SAMD9: variants seen among roughly 807,000 people sequenced by gnomAD.
The protein encoded by SAMD9 is sterile alpha motif domain-containing protein 9.
Under a neutral mutation model 1.5 loss-of-function variants are expected in SAMD9, and 3 were observed. The ratio of observed to expected loss-of-function variants is 2.05; its 90% confidence interval spans 0.93 to 5.29. The LOEUF is 5.29. SAMD9 is among the 30% of genes most tolerant of loss of function. The pLI is 0.02. For synonymous variants in SAMD9, 635 were observed against 631.9 expected, an observed-to-expected ratio of 1.00 and a Z score of -0.07; for missense variants, 1,597 against 1,820.8, an observed-to-expected ratio of 0.88 and a Z score of 2.24.
Position 93,104,900 on chromosome 7 carries a change from C to T in SAMD9, c.1198G>A (p.Gly400Arg). ...EGPKLVKLLTGNQDLLDNSYY... is the reference protein window; with the variant it reads ...EGPKLVKLLTRNQDLLDNSYY... ...GAATTATCTAACAAATCTTGATTTC[C>T]TGTCAATAATTTAACCAACTTTGGT... The change falls in exon 3 of 3, where the codon GGA becomes AGA. Residue 400 changes from glycine to arginine, a missense_variant. Gly to Arg is a moderately radical substitution (Grantham distance 125). This residue lies in a region of SAMD9 where 358 missense variants were observed against 460.4 expected (regional missense o/e 0.78). Transcript: ENST00000379958. The T allele has an allele frequency of 6.2e-7, 1 of 1,612,740 alleles. No individual in the cohort carries two copies. The highest frequency in any genetic ancestry group is 8.5e-7 in the Non-Finnish European group (1 of 1,179,456).
rs1311000596 is a variant in SAMD9 at position 93,099,575 on chromosome 7, T to C, written c.*1753A>G. The C allele has an allele frequency of 6.6e-6, 1 of 152,244 alleles. No individual in the cohort carries two copies. Among genetic ancestry groups the C allele is most frequent in the African/African-American group, 2.4e-5 (1 of 41,478 alleles). The allele number at this position is 152,244 out of a possible 1,614,324, so 9.4% of individuals were successfully genotyped here. On this transcript the variant is annotated 3_prime_UTR_variant, in exon 3 of 3. Transcript: ENST00000379958. ...TAACAATAAAGAGTGAGCTTATAAG[T>C]TATGGAGTTAAAATTTTATGCAGAA... is the stretch of plus-strand genomic sequence containing the variant.
rs780430573 is a variant in SAMD9 at position 93,104,435 on chromosome 7, G to A, written c.1663C>T (p.Pro555Ser). 1 of 1,613,924 alleles carries A rather than the reference G, an allele frequency of 6.2e-7. No individual in the cohort carries two copies. The highest frequency in any genetic ancestry group is 1.1e-5 in the South Asian group (1 of 91,074). ...AAAGCACAGAAAGTCTCAATGAGGG[G>A]ATCTCTTGGGTCATCCACAGAGGAC... ...LLSSVDDPRD[P>S]LIETFCAFYQ... Residue 555 changes from proline to serine, a missense_variant, in exon 3 of 3, where the codon CCC becomes TCC. Pro to Ser is a moderately conservative substitution (Grantham distance 74). Coordinates refer to ENST00000379958, the MANE Select transcript of SAMD9 (RefSeq NM_017654.4).
At chr7:93,108,837 G>A (rs190391644) in intron 2 of SAMD9, among the ~76,000 whole-genome samples, 41 of 152,284 alleles carry the variant, frequency 2.7e-4, no homozygotes, top group African/African-American at 9.4e-4. Context: ...AGCAGCTCAA[G>A]GAGGCCTGCC....
Position 93,104,972 on chromosome 7 carries a change from C to A in SAMD9, c.1126G>T (p.Ala376Ser). Reference sequence around the variant, plus strand: ...GTTTTTGCTCTGAATTTTTCTTCTGCTGCTTTTCTGGACTCTGCCAGTGTT... The same window carrying A: ...GTTTTTGCTCTGAATTTTTCTTCTGATGCTTTTCTGGACTCTGCCAGTGTT... The part of the protein sequence containing the change: ...FKTLAESRKA[A>S]EEKFRAKTNK... The change falls in exon 3 of 3, where the codon GCA becomes TCA. Residue 376 changes from alanine to serine, a missense_variant. By Grantham distance (99) the Ala-to-Ser change is moderately conservative (BLOSUM62 1). Coordinates refer to ENST00000379958, the MANE Select transcript of SAMD9 (RefSeq NM_017654.4). The A allele has an allele frequency of 1.2e-6, 2 of 1,611,116 alleles. No individual in the cohort carries two copies. The highest frequency in any genetic ancestry group is 2.7e-5 in the African/African-American group (2 of 74,800).
intron 2 of SAMD9, among the ~76,000 whole-genome samples, chr7:93,108,794 G>A (rs570823908): frequency 1.8e-4 from 28 of 152,334 alleles, no homozygotes; most frequent in African/African-American, 6.5e-4. Flanking sequence ...GGTAAACAAA[G>A]TGGCCAGGAA....
chr7:93,099,977 T>C lies in SAMD9; in HGVS notation c.*1351A>G, dbSNP rs894756217. On this transcript the variant is annotated 3_prime_UTR_variant, in exon 3 of 3. Coordinates refer to ENST00000379958, the MANE Select transcript of SAMD9 (RefSeq NM_017654.4). ...TTAATATCCTCAAATATCTAGTCTG[T>C]GTTCAAATTTTTCTGATTGCCTAAT... 18 of 152,324 alleles carry C rather than the reference T, an allele frequency of 1.2e-4. No homozygotes were observed. The highest frequency in any genetic ancestry group is 4.3e-4 in the African/African-American group (18 of 41,578). The allele number at this position is 152,324 out of a possible 1,614,324, so 9.4% of individuals were successfully genotyped here.
chr7:93,113,500 A>C (rs540426274), intron 2 of SAMD9, among the ~76,000 whole-genome samples: 4 of 152,352 alleles, frequency 2.6e-5, no homozygotes, highest in Non-Finnish European at 5.9e-5. Flanking sequence ...AGAAACTATC[A>C]TCAGAGTGAA....
chr7:93,113,326 C>G (rs1288972436), intron 2 of SAMD9, among the ~76,000 whole-genome samples: 1 of 152,114 alleles, frequency 6.6e-6, no homozygotes, highest in Non-Finnish European at 1.5e-5. Context: ...AAGACTTAAA[C>G]GTTAGAGCTA....
Position 93,105,765 on chromosome 7 carries a change from C to G in SAMD9, c.333G>C (p.Lys111Asn). The G allele has an allele frequency of 6.2e-7, 1 of 1,614,024 alleles. No individual in the cohort carries two copies. Among genetic ancestry groups the G allele is most frequent in the Non-Finnish European group, 8.5e-7 (1 of 1,179,980 alleles). The change falls in exon 3 of 3, where the codon AAG becomes AAC. Residue 111 changes from lysine to asparagine, a missense_variant. By Grantham distance (94) the Lys-to-Asn change is moderately conservative (BLOSUM62 0). Coordinates refer to ENST00000379958, the MANE Select transcript of SAMD9 (RefSeq NM_017654.4). ...VSQKERRETS[K>N]QKQKGKENPD... Reference sequence around the variant, plus strand: ...GGTTCTCTTTACCCTTTTGTTTTTGCTTTGAAGTTTCTCTACGTTCCTTTT... The same window carrying G: ...GGTTCTCTTTACCCTTTTGTTTTTGGTTTGAAGTTTCTCTACGTTCCTTTT...
rs1170291541 is a variant in SAMD9 at position 93,114,911 on chromosome 7, A to T, written c.-109-16T>A. ...AGATCAAAATCTGAAAAATTGCAAAACTCATATTTTTAAGTAATCACAAAG... is the reference window on the plus strand; with the variant it reads ...AGATCAAAATCTGAAAAATTGCAAATCTCATATTTTTAAGTAATCACAAAG... On this transcript the variant is annotated splice_polypyrimidine_tract_variant and intron_variant, in intron 1 of 2. Transcript: ENST00000379958. 6.6e-6 allele frequency: 1 copy of T among 152,182 alleles called. No homozygotes were observed. The highest frequency in any genetic ancestry group is 2.4e-5 in the African/African-American group (1 of 41,424). 9.4% of individuals were successfully genotyped at this position (152,182 alleles called of 1,614,324 possible). A position where few individuals can be genotyped will look rare whatever the true frequency, so the allele number is the denominator to read the frequency against.
rs183442302 is a variant in SAMD9 at position 93,106,897 on chromosome 7, A to G, written c.-8-792T>C. ...CCTCAACTCTGTTTCTCAAAATTGT[A>G]CAATCAGTGGAGAATGCTGAAACAT... is the stretch of plus-strand genomic sequence containing the variant. On this transcript the variant is annotated intron_variant, in intron 2 of 2. Coordinates refer to ENST00000379958, the MANE Select transcript of SAMD9 (RefSeq NM_017654.4). Among the ~76,000 whole-genome samples the G allele has an allele frequency of 5.2e-3, 791 of 152,320 alleles. 7 individuals carry two copies. The highest frequency in any genetic ancestry group is 8.3e-3 in the Non-Finnish European group (562 of 68,030).
In SAMD9 at chr7:93,102,494, C is replaced by A; in HGVS notation, c.3604G>T (p.Glu1202Ter). 6.2e-7 allele frequency: 1 copy of A among 1,613,768 alleles called. No homozygotes were observed. Among genetic ancestry groups the A allele is most frequent in the Non-Finnish European group, 8.5e-7 (1 of 1,179,738 alleles). Residue 1202 changes from glutamate to a stop codon, truncating the protein, a stop_gained, in exon 3 of 3, where the codon GAA (glutamate) becomes TAA (stop). Coordinates refer to ENST00000379958, the MANE Select transcript of SAMD9 (RefSeq NM_017654.4). LOFTEE classifies it low-confidence loss of function (END_TRUNC). Reference protein sequence around the residue: ...YNIAGYQGEIEVGLYTIQILQ... With the variant: ...YNIAGYQGEI ...ATTTGGATTGTGTAAAGCCCAACTTCTATCTCTCCTTGATAACCAGCTATA... is the reference window on the plus strand; with the variant it reads ...ATTTGGATTGTGTAAAGCCCAACTTATATCTCTCCTTGATAACCAGCTATA...
At chr7:93,116,327 T>A (rs1791832382) in intron 1 of SAMD9, among the ~76,000 whole-genome samples, 1 of 152,010 alleles carries the variant, frequency 6.6e-6, no homozygotes, top group African/African-American at 2.4e-5. Context: ...CATATAAGAG[T>A]GTGGGGGATG....
At position 93,102,756 on chromosome 7, in the gene SAMD9, A is replaced by G; in HGVS notation, c.3342T>C (p.Pro1114=). ...NWAKQAKIIE[P]DNSYISDTLG... is the part of the protein sequence containing the mutation. The stretch of plus-strand genomic sequence containing the variant: ...GTGTATCTGAGATATAAGAATTGTC[A>G]GGTTCTATGATTTTTGCTTGTTTTG... The change falls in exon 3 of 3, where the codon CCT becomes CCC. Residue 1114 remains proline, a synonymous_variant. Transcript: ENST00000379958. 1 of 1,613,824 alleles carries G rather than the reference A, an allele frequency of 6.2e-7. No homozygotes were observed. Among genetic ancestry groups the G allele is most frequent in the Non-Finnish European group, 8.5e-7 (1 of 1,179,752 alleles).
At chr7:93,112,770 A>T (rs539815289) in intron 2 of SAMD9, among the ~76,000 whole-genome samples, 87 of 152,338 alleles carry the variant, frequency 5.7e-4, no homozygotes, top group African/African-American at 1.9e-3. Context: ...CTCTTCAAGG[A>T]GAACTACAAA....
Position 93,104,163 on chromosome 7 carries a change from T to A in SAMD9, c.1935A>T (p.Glu645Asp). Residue 645 changes from glutamate (E) to aspartate (D), a missense_variant, in exon 3 of 3, where the codon GAA becomes GAT. Physicochemically the swap from Glu to Asp is conservative, Grantham distance 45. Coordinates refer to ENST00000379958, the MANE Select transcript of SAMD9 (RefSeq NM_017654.4). ...TTTCCAGAGCAGTCATGATATCTTC[T>A]TCCTTTTTCAGAAGGACAGTCGATA... ...IGLSTVLLKK[E>D]EDIMTALEII... 4.3e-6 allele frequency: 7 copies of A among 1,613,998 alleles called. No individual in the cohort carries two copies. The highest frequency in any genetic ancestry group is 5.9e-6 in the Non-Finnish European group (7 of 1,179,880).
chr7:93,117,309 C>G (rs1014057599), intron 1 of SAMD9, among the ~76,000 whole-genome samples: 1 of 151,466 alleles, frequency 6.6e-6, no homozygotes, highest in Admixed American at 6.6e-5. Context: ...GACAGTGTCT[C>G]ACTCTGTTGC....
At position 93,101,373 on chromosome 7, in the gene SAMD9, T is replaced by C; in HGVS notation, c.4725A>G (p.Gly1575=). 1 of 1,613,492 alleles carries C rather than the reference T, an allele frequency of 6.2e-7. No individual in the cohort carries two copies. Among genetic ancestry groups the C allele is most frequent in the East Asian group, 2.2e-5 (1 of 44,864 alleles). Residue 1575 remains glycine, a synonymous_variant, in exon 3 of 3, where the codon GGA becomes GGG. Transcript: ENST00000379958. ...AAGCAAGTGGGCCTCCAATGGAAAATCCCAGGTAAAAAGACACCTTCTCTA... is the reference window on the plus strand; with the variant it reads ...AAGCAAGTGGGCCTCCAATGGAAAACCCCAGGTAAAAAGACACCTTCTCTA... ...RSIEKVSFYL[G]FSIGGPLAYD... is the part of the protein sequence containing the mutation.
At chr7:93,108,652 T>G (rs1305380387) in intron 2 of SAMD9, among the ~76,000 whole-genome samples, 1 of 152,216 alleles carries the variant, frequency 6.6e-6, no homozygotes, top group Non-Finnish European at 1.5e-5. Context: ...CAGAAGATTA[T>G]ATTCTGCGCC....
Sources: gnomAD v4.1 joint callset for allele counts (sites outside exome capture counted in the v4.1 genomes callset) on GRCh38, gnomAD v4.1.1 for gene constraint, gnomAD v4.1.1 regional missense constraint, MANE v1.5 for transcripts, NCBI Gene and HGNC (gene_info 2026-07-23, HGNC 2026-07-21) for gene names.